ALKBH5: variants seen among roughly 807,000 people sequenced by gnomAD.
ALKBH5 encodes the protein RNA demethylase ALKBH5.
A neutral mutation model predicts 32.1 loss-of-function variants in ALKBH5; 2 were observed. The observed-to-expected ratio is 0.06, with a 90% CI of 0.03 to 0.20. The LOEUF is 0.20. Among genes scored for constraint, ALKBH5 ranks in the 10% least tolerant of loss-of-function variants. The probability of loss-of-function intolerance (pLI) is 1.00; values close to 1 mark genes in which losing one functional copy is unlikely to be tolerated. For synonymous variants in ALKBH5, 300 were observed against 231.7 expected, an observed-to-expected ratio of 1.29 and a Z score of -2.68; for missense variants, 352 against 559.5, an observed-to-expected ratio of 0.63 and a Z score of 3.74.
chr17:18,194,200 C>G (rs1307514080), intron 1 of ALKBH5, among the ~76,000 whole-genome samples: 2 of 151,908 alleles, frequency 1.3e-5, no homozygotes, highest in Non-Finnish European at 2.9e-5. Flanking sequence ...GCTCTGTTGC[C>G]CAGGTGCAGT....
chr17:18,188,736 A>G (rs772300919), intron 1 of ALKBH5, among the ~76,000 whole-genome samples: 1 of 152,168 alleles, frequency 6.6e-6, no homozygotes, highest in Admixed American at 6.5e-5. Context: ...GGTGTTAATC[A>G]TGAAGCTCAG....
intron 2 of ALKBH5, among the ~76,000 whole-genome samples, chr17:18,203,284 TTGCTC>T (rs2047252186): frequency 6.6e-6 from 1 of 152,140 alleles, no homozygotes. Flanking sequence ...AGCTAGTGAT[TTGCTC>T]TGGGATTTAG....
At chr17:18,194,166 G>C (rs1272042621) in intron 1 of ALKBH5, among the ~76,000 whole-genome samples, 2 of 151,474 alleles carry the variant, frequency 1.3e-5, no homozygotes, top group African/African-American at 4.9e-5. Context: ...AGGGGGTGGG[G>C]GTCAGTGGTG....
At chr17:18,190,550 G>GAAAA (rs11316080) in intron 1 of ALKBH5, among the ~76,000 whole-genome samples, 14 of 121,890 alleles carry the variant, frequency 1.1e-4, no homozygotes, top group Admixed American at 1.8e-4. Flanking sequence ...CTCTGTTTCC[G>GAAAA]AAAAAAAAAA....
At chr17:18,201,795 A>ATGG (rs1567676669) in intron 2 of ALKBH5, among the ~76,000 whole-genome samples, 87 of 38,510 alleles carry the variant, frequency 2.3e-3, no homozygotes, top group African/African-American at 7.8e-3. Flanking sequence ...AGGATAGATA[A>ATGG]GATAGATAGA....
At chr17:18,193,342 TC>T (rs1483117735) in intron 1 of ALKBH5, among the ~76,000 whole-genome samples, 2 of 151,848 alleles carry the variant, frequency 1.3e-5, no homozygotes, top group African/African-American at 4.8e-5. Flanking sequence ...GGTCAGGAGT[TC>T]AAGACCATCC....
intron 1 of ALKBH5, among the ~76,000 whole-genome samples, chr17:18,192,096 T>C (rs1380741411): frequency 1.3e-5 from 2 of 152,212 alleles, no homozygotes; most frequent in Non-Finnish European, 2.9e-5. Flanking sequence ...TTCCTAGCTC[T>C]GGAAATGGGG....
chr17:18,201,938 C>CCAGG (rs1460235609), intron 2 of ALKBH5, among the ~76,000 whole-genome samples: 1 of 151,912 alleles, frequency 6.6e-6, no homozygotes, highest in Non-Finnish European at 1.5e-5. Context: ...TTGCTTGAGC[C>CCAGG]CAGGAGGTCA....
At chr17:18,199,795 A>G (rs1032018094) in intron 2 of ALKBH5, among the ~76,000 whole-genome samples, 1 of 152,018 alleles carries the variant, frequency 6.6e-6, no homozygotes, top group East Asian at 1.9e-4. Flanking sequence ...ATTCTCTGGG[A>G]GCCCTGCAAA....
At chr17:18,193,276 G>A (rs1299422509) in intron 1 of ALKBH5, among the ~76,000 whole-genome samples, 4 of 151,940 alleles carry the variant, frequency 2.6e-5, no homozygotes, top group African/African-American at 7.3e-5. Context: ...GGCCGGGCGC[G>A]GTGGCTCACA....
intron 2 of ALKBH5, among the ~76,000 whole-genome samples, chr17:18,206,255 G>A (rs374043787): frequency 1.3e-5 from 2 of 152,194 alleles, no homozygotes; most frequent in South Asian, 2.1e-4. Context: ...CCTGAAATGA[G>A]CAGAAACTGC....
Position 18,184,342 on chromosome 17 carries a change from T to TGCCGCAGCCGCCGTAGCC in ALKBH5, c.111_128dup (p.Val38_Ala43dup). On this transcript the variant is annotated inframe_insertion, in exon 1 of 4. Transcript: ENST00000399138. ...CGGGCAGCCGGGAGGCCGCCGCCGC[T>TGCCGCAGCCGCCGTAGCC]GCCGCAGCCGCCGTAGCCGCCGCAG... 6.6e-7 allele frequency: 1 copy of TGCCGCAGCCGCCGTAGCC among 1,511,982 alleles called. No individual in the cohort carries two copies. The highest frequency in any genetic ancestry group is 8.8e-7 in the Non-Finnish European group (1 of 1,134,122). 93.7% of individuals were successfully genotyped at this position (1,511,982 alleles called of 1,614,324 possible).
chr17:18,193,473 G>C (rs1246898013), intron 1 of ALKBH5, among the ~76,000 whole-genome samples: 1 of 151,840 alleles, frequency 6.6e-6, no homozygotes, highest in Non-Finnish European at 1.5e-5. Flanking sequence ...CTTGAACCCG[G>C]TAGGCAGAGG....
Position 18,208,499 on chromosome 17 carries a change from T to C in ALKBH5, c.*103T>C, listed in dbSNP as rs1468075580. 1.3e-5 allele frequency: 17 copies of C among 1,316,094 alleles called. No homozygotes were observed. The Admixed American group carries it at 3.6e-4, about 28-fold the overall frequency. The allele number at this position is 1,316,094 out of a possible 1,614,324, so 81.5% of individuals were successfully genotyped here. A position where few individuals can be genotyped will look rare whatever the true frequency, so the allele number is the denominator to read the frequency against. On this transcript the variant is annotated 3_prime_UTR_variant, in exon 4 of 4. Transcript: ENST00000399138. ...TTGTTCATTGGGGGGTTTTTGTTTT[T>C]TGTTTTTTGTTTTTTTTGATTCTAT...
At chr17:18,189,306 C>T (rs546634401) in intron 1 of ALKBH5, among the ~76,000 whole-genome samples, 7 of 152,210 alleles carry the variant, frequency 4.6e-5, no homozygotes, top group Non-Finnish European at 8.8e-5. Flanking sequence ...GGCACGAACC[C>T]GGGAGGCGGA....
At chr17:18,201,869 A>G (rs938736154) in intron 2 of ALKBH5, among the ~76,000 whole-genome samples, 21 of 151,880 alleles carry the variant, frequency 1.4e-4, no homozygotes, top group Non-Finnish European at 2.5e-4. Flanking sequence ...GATTTAAAAA[A>G]CCAGGTGTGG....
At chr17:18,201,778 GA>G (rs2047238413) in intron 2 of ALKBH5, among the ~76,000 whole-genome samples, 2 of 105,864 alleles carry the variant, frequency 1.9e-5, no homozygotes, top group African/African-American at 6.6e-5. Flanking sequence ...TAGATAGATA[GA>G]TAGATAGGAT....
chr17:18,187,997 G>A (rs1329681696), intron 1 of ALKBH5, among the ~76,000 whole-genome samples: 1 of 152,200 alleles, frequency 6.6e-6, no homozygotes, highest in Non-Finnish European at 1.5e-5. Flanking sequence ...ACTCAGCAGT[G>A]TCTAAACCTG....
chr17:18,208,543 G>T lies in ALKBH5; in HGVS notation c.*147G>T. 1.0e-6 allele frequency: 1 copy of T among 979,234 alleles called. No individual in the cohort carries two copies. The highest frequency in any genetic ancestry group is 1.4e-5 in the South Asian group (1 of 70,280). The allele number at this position is 979,234 out of a possible 1,614,324, so 60.7% of individuals were successfully genotyped here. A position where few individuals can be genotyped will look rare whatever the true frequency, so the allele number is the denominator to read the frequency against. On this transcript the variant is annotated 3_prime_UTR_variant, in exon 4 of 4. Coordinates refer to ENST00000399138, the MANE Select transcript of ALKBH5 (RefSeq NM_017758.4). ...ATTCTATATATTTTTCCTTGGTTTT[G>T]TTGCCTGTTAGGGCTGAAGAATAGA...
Sources: gnomAD v4.1 joint callset for allele counts (sites outside exome capture counted in the v4.1 genomes callset) on GRCh38, gnomAD v4.1.1 for gene constraint, MANE v1.5 for transcripts, NCBI Gene and HGNC (gene_info 2026-07-23, HGNC 2026-07-21) for gene names.